The following NALCN variants were observed in gnomAD, a reference collection of about 807,000 sequenced individuals.
NALCN encodes the protein sodium leak channel NALCN.
NALCN carries 111 observed loss-of-function variants against 225.3 expected under a neutral mutation model. That is an observed-to-expected ratio of 0.49 (90% CI 0.42 to 0.58). The LOEUF is 0.58. Among genes scored for constraint, NALCN ranks in the 20% least tolerant of loss-of-function variants. NALCN has a pLI of 0.00. For synonymous variants in NALCN, 764 were observed against 769.0 expected (o/e 0.99, Z 0.11); for missense variants, 1,378 against 2,202.4 (o/e 0.63, Z 7.49).
rs540247829 is a variant in NALCN at position 101,220,847 on chromosome 13, A to G, written c.1626+8546T>C. On this transcript the variant is annotated intron_variant, in intron 13 of 43. Transcript: ENST00000251127. Reference sequence around the variant, plus strand: ...ATTTCAAATATATTACATAGGCTGTAATCTAGTCTTTTAAGAAATACTTTC... The same window carrying G: ...ATTTCAAATATATTACATAGGCTGTGATCTAGTCTTTTAAGAAATACTTTC... Among the ~76,000 whole-genome samples, 6 of 152,304 alleles carry G rather than the reference A, an allele frequency of 3.9e-5. No homozygotes were observed. In the South Asian group the frequency reaches 1.2e-3, roughly 32 times the overall value.
At chr13:101,412,609 G>T (rs1373898398) in intron 1 of NALCN, among the ~76,000 whole-genome samples, 1 of 152,082 alleles carries the variant, frequency 6.6e-6, no homozygotes, top group Non-Finnish European at 1.5e-5. Context: ...CATACTAAGG[G>T]GCTCTTCCAG....
At chr13:101,300,792 T>G (rs1212964698) in intron 7 of NALCN, among the ~76,000 whole-genome samples, 1 of 152,238 alleles carries the variant, frequency 6.6e-6, no homozygotes, top group South Asian at 2.1e-4. Flanking sequence ...AAAACCACAT[T>G]TTTTATTTGC....
chr13:101,137,373 T>TTCTC (rs144925380), intron 17 of NALCN, among the ~76,000 whole-genome samples: 8 of 150,314 alleles, frequency 5.3e-5, no homozygotes, highest in South Asian at 2.1e-4. Flanking sequence ...CATTTGTTCA[T>TTCTC]TCTCTCTCTC....
chr13:101,191,900 A>AG lies in NALCN; in HGVS notation c.1764+16_1764+17insC, dbSNP rs775454787. 1 of 1,596,856 alleles carries AG rather than the reference A, an allele frequency of 6.3e-7. No homozygotes were observed. On this transcript the variant is annotated intron_variant, in intron 14 of 43. Transcript: ENST00000251127. Reference sequence around the variant, plus strand: ...ATAAATTCCAAGATATAATTGAAAAAAAAATGCTGAACTCACCAGAGTGGC... The same window carrying AG: ...ATAAATTCCAAGATATAATTGAAAAAGAAAATGCTGAACTCACCAGAGTGGC...
rs750952585 is a variant in NALCN at position 101,055,347 on chromosome 13, C to A, written c.5165G>T (p.Arg1722Leu). The change falls in exon 44 of 44, where the codon CGG becomes CTG. Residue 1722 changes from arginine to leucine, a missense_variant. This residue lies in a region of NALCN where 145 missense variants were observed against 169.6 expected (regional missense o/e 0.85). Coordinates refer to ENST00000251127, the MANE Select transcript of NALCN (RefSeq NM_052867.4). ...TTCGTCGCTCTCCACAGTCAGCTGCCGGGTCCACCACTTCTTAACTTCAGA... is the reference window on the plus strand; with the variant it reads ...TTCGTCGCTCTCCACAGTCAGCTGCAGGGTCCACCACTTCTTAACTTCAGA... Reference protein sequence around the residue: ...CGSEVKKWWTRQLTVESDESG... With the variant: ...CGSEVKKWWTLQLTVESDESG... The A allele has an allele frequency of 6.2e-7, 1 of 1,613,934 alleles. No homozygotes were observed. Among genetic ancestry groups the A allele is most frequent in the Non-Finnish European group, 8.5e-7 (1 of 1,179,996 alleles).
chr13:101,113,871 A>C (rs2035568664), intron 18 of NALCN, among the ~76,000 whole-genome samples: 1 of 152,200 alleles, frequency 6.6e-6, no homozygotes, highest in African/African-American at 2.4e-5. Context: ...CTAGGCTGTG[A>C]GTTGATTAGG....
intron 10 of NALCN, among the ~76,000 whole-genome samples, chr13:101,278,522 C>CAAAAAAAAAAAAA (rs3061766): frequency 1.1e-5 from 1 of 87,474 alleles, no homozygotes. Context: ...GACTCTGTCT[C>CAAAAAAAAAAAAA]AAAAAAAAAA....
intron 7 of NALCN, among the ~76,000 whole-genome samples, chr13:101,304,848 C>T (rs908341364): frequency 1.3e-5 from 2 of 151,166 alleles, no homozygotes; most frequent in East Asian, 1.9e-4. Context: ...CTCCGCCTCC[C>T]GTGTTAAAGT....
At chr13:101,062,319 G>C (rs1172390604) in intron 40 of NALCN, among the ~76,000 whole-genome samples, 1 of 152,162 alleles carries the variant, frequency 6.6e-6, no homozygotes, top group Non-Finnish European at 1.5e-5. Flanking sequence ...AAAGATGATA[G>C]ATAGTCCTGG....
chr13:101,345,638 C>T (rs1384808713), intron 6 of NALCN, among the ~76,000 whole-genome samples: 1 of 150,284 alleles, frequency 6.7e-6, no homozygotes, highest in African/African-American at 2.5e-5. Context: ...GCATTCTAGC[C>T]TGGGCAACAG....
intron 7 of NALCN, among the ~76,000 whole-genome samples, chr13:101,312,851 C>G (rs531991837): frequency 6.6e-6 from 1 of 151,950 alleles, no homozygotes; most frequent in Non-Finnish European, 1.5e-5. Flanking sequence ...CATATGGAAC[C>G]AAAAAAGAGC....
intron 10 of NALCN, among the ~76,000 whole-genome samples, chr13:101,267,125 G>C (rs1317419098): frequency 6.6e-6 from 1 of 152,186 alleles, no homozygotes. Flanking sequence ...TTATTGGAAT[G>C]GAGAGCCGAG....
chr13:101,256,930 AT>A (rs2042250475), intron 11 of NALCN, among the ~76,000 whole-genome samples: 1 of 151,792 alleles, frequency 6.6e-6, no homozygotes, highest in African/African-American at 2.4e-5. Context: ...CACCCAGCTA[AT>A]TTTTTGTATT....
chr13:101,228,248 T>A (rs895435996), intron 13 of NALCN, among the ~76,000 whole-genome samples: 10 of 152,304 alleles, frequency 6.6e-5, no homozygotes, highest in African/African-American at 2.2e-4. Context: ...ATAGGATTTT[T>A]AAAAAAATCC....
intron 39 of NALCN, among the ~76,000 whole-genome samples, chr13:101,067,402 AGAAGAG>A (rs1234118181): frequency 3.3e-5 from 5 of 152,038 alleles, no homozygotes; most frequent in African/African-American, 1.2e-4. Context: ...GACAATGACA[AGAAGAG>A]GAAGAGCAGA....
intron 30 of NALCN, among the ~76,000 whole-genome samples, chr13:101,084,884 G>A (rs1233398989): frequency 6.6e-6 from 1 of 152,252 alleles, no homozygotes. Flanking sequence ...TTGCCAACTT[G>A]CTTTCCAAAG....
chr13:101,221,790 A>G (rs1315456928), intron 13 of NALCN, among the ~76,000 whole-genome samples: 4 of 152,184 alleles, frequency 2.6e-5, no homozygotes, highest in Non-Finnish European at 4.4e-5. Context: ...TACCCGAGAA[A>G]TGCTGTTGGC....
At chr13:101,253,949 T>G (rs2042136645) in intron 11 of NALCN, among the ~76,000 whole-genome samples, 1 of 152,218 alleles carries the variant, frequency 6.6e-6, no homozygotes, top group Admixed American at 6.5e-5. Flanking sequence ...AAAGTAAGTT[T>G]AATTAAAGTG....
chr13:101,131,850 A>C (rs1460188600), intron 17 of NALCN, among the ~76,000 whole-genome samples: 1 of 152,210 alleles, frequency 6.6e-6, no homozygotes, highest in African/African-American at 2.4e-5. Flanking sequence ...GTTAAAAAAC[A>C]ATGTCAATGC....
Sources: allele counts gnomAD v4.1 joint callset (sites outside exome capture counted in the v4.1 genomes callset), GRCh38; gene constraint gnomAD v4.1.1; regional missense constraint gnomAD v4.1.1; transcripts MANE v1.5; gene names NCBI Gene and HGNC (gene_info 2026-07-23, HGNC 2026-07-21).